The following MAST4 variants were observed in gnomAD, a reference collection of about 807,000 sequenced individuals.
MAST4 encodes microtubule associated serine/threonine kinase family member 4, also known as microtubule-associated serine/threonine-protein kinase 4.
Under a neutral mutation model 162.7 loss-of-function variants are expected in MAST4, and 89 were observed. The ratio of observed to expected loss-of-function variants is 0.55; its 90% CI spans 0.46 to 0.65. MAST4 has a LOEUF of 0.65. Among genes scored for constraint, MAST4 ranks in the 30% least tolerant of loss-of-function variants. The probability of loss-of-function intolerance (pLI) is 0.00; values close to 1 mark genes in which losing one functional copy is unlikely to be tolerated. For synonymous variants in MAST4, 1,479 were observed against 1,361.1 expected (o/e 1.09, Z -1.91); for missense variants, 3,153 against 3,374.0 (o/e 0.93, Z 1.62).
intron 5 of MAST4, among the ~76,000 whole-genome samples, chr5:67,078,862 A>G (rs1195695477): frequency 1.8e-5 from 2 of 113,414 alleles, no homozygotes; most frequent in African/African-American, 7.8e-5. Flanking sequence ...ATATTTATAT[A>G]AATATATATT....
intron 1 of MAST4, among the ~76,000 whole-genome samples, chr5:66,699,253 A>G (rs1296687926): frequency 6.6e-6 from 1 of 152,132 alleles, no homozygotes; most frequent in Non-Finnish European, 1.5e-5. Context: ...TTATAGTCAC[A>G]CCATCTTATC....
intron 4 of MAST4, among the ~76,000 whole-genome samples, chr5:66,914,720 T>G (rs1037745861): frequency 2.6e-5 from 4 of 152,174 alleles, no homozygotes; most frequent in Non-Finnish European, 5.9e-5. Context: ...AACTGATTGC[T>G]TATCTAGGAC....
intron 12 of MAST4, among the ~76,000 whole-genome samples, chr5:67,117,331 A>G (rs571281918): frequency 6.6e-6 from 1 of 152,298 alleles, no homozygotes; most frequent in Admixed American, 6.5e-5. Context: ...TTTCCCCTAT[A>G]GGTAAACTGA....
chr5:66,748,639 G>A (rs1014077815), intron 1 of MAST4, among the ~76,000 whole-genome samples: 4 of 151,304 alleles, frequency 2.6e-5, no homozygotes, highest in East Asian at 3.9e-4. Flanking sequence ...ACAGGCGTGC[G>A]CAACCACACC....
chr5:66,837,802 C>A (rs1283024363), intron 3 of MAST4, among the ~76,000 whole-genome samples: 32 of 145,690 alleles, frequency 2.2e-4, no homozygotes, highest in Non-Finnish European at 4.0e-4. Context: ...GGTTTGACAG[C>A]CTTTAAAATG....
intron 11 of MAST4, among the ~76,000 whole-genome samples, chr5:67,110,646 C>T (rs1766125029): frequency 6.6e-6 from 1 of 152,204 alleles, no homozygotes; most frequent in Non-Finnish European, 1.5e-5. Context: ...AAGATGCTAA[C>T]CATCCCATTT....
chr5:66,838,250 A>G (rs1758168094), intron 3 of MAST4, among the ~76,000 whole-genome samples: 1 of 152,126 alleles, frequency 6.6e-6, no homozygotes, highest in South Asian at 2.1e-4. Flanking sequence ...TGTGATTTGG[A>G]AACCTTTATC....
chr5:66,986,990 TA>T (rs1364299050), intron 4 of MAST4, among the ~76,000 whole-genome samples: 2 of 152,188 alleles, frequency 1.3e-5, no homozygotes, highest in Non-Finnish European at 2.9e-5. Flanking sequence ...TAAAGAAGTG[TA>T]AGATTATATA....
intron 3 of MAST4, among the ~76,000 whole-genome samples, chr5:66,830,677 C>G (rs1292959937): frequency 2.0e-5 from 3 of 152,126 alleles, no homozygotes; most frequent in Admixed American, 6.6e-5. Context: ...TGCTTTTACT[C>G]CCATTGCATC....
intron 1 of MAST4, among the ~76,000 whole-genome samples, chr5:66,737,389 T>G (rs1295339190): frequency 1.3e-5 from 2 of 152,186 alleles, no homozygotes; most frequent in African/African-American, 4.8e-5. Flanking sequence ...CTCTTACAGT[T>G]GAGCCTCAGA....
At chr5:66,672,756 G>A (rs1229442411) in intron 1 of MAST4, among the ~76,000 whole-genome samples, 1 of 152,144 alleles carries the variant, frequency 6.6e-6, no homozygotes, top group African/African-American at 2.4e-5. Context: ...TTCTGTCCTT[G>A]TTGCCTTCTG....
chr5:66,743,032 G>A (rs922286434), intron 1 of MAST4, among the ~76,000 whole-genome samples: 1 of 152,100 alleles, frequency 6.6e-6, no homozygotes. Flanking sequence ...GATGCTTGCC[G>A]GTTTCCTGGC....
intron 5 of MAST4, among the ~76,000 whole-genome samples, chr5:67,066,405 T>C (rs1760234862): frequency 6.6e-6 from 1 of 150,908 alleles, no homozygotes; most frequent in African/African-American, 2.4e-5. Context: ...ATAACATCCT[T>C]ACATAAATTT....
chr5:66,743,660 T>C (rs1752592461), intron 1 of MAST4, among the ~76,000 whole-genome samples: 1 of 151,864 alleles, frequency 6.6e-6, no homozygotes, highest in Admixed American at 6.6e-5. Context: ...GGGAGACTAG[T>C]AATGGAGAGG....
intron 7 of MAST4, among the ~76,000 whole-genome samples, chr5:67,098,968 T>G (rs1264610201): frequency 6.6e-6 from 1 of 152,142 alleles, no homozygotes; most frequent in African/African-American, 2.4e-5. Flanking sequence ...ATCAGTTCAG[T>G]TGGTGCTTTG....
At chr5:66,678,313 T>C (rs1256569571) in intron 1 of MAST4, among the ~76,000 whole-genome samples, 1 of 152,030 alleles carries the variant, frequency 6.6e-6, no homozygotes, top group African/African-American at 2.4e-5. Flanking sequence ...TTAGGAAGGA[T>C]AAGTTCTGAA....
At chr5:67,026,176 C>G (rs368665237) in intron 4 of MAST4, among the ~76,000 whole-genome samples, 8 of 152,170 alleles carry the variant, frequency 5.3e-5, no homozygotes, top group African/African-American at 7.2e-5. Context: ...AGAGAAGTGG[C>G]GAGCAAAATT....
At chr5:66,636,103 G>A (rs897025961) in intron 1 of MAST4, among the ~76,000 whole-genome samples, 50 of 151,936 alleles carry the variant, frequency 3.3e-4, no homozygotes, top group African/African-American at 1.1e-3. Flanking sequence ...GACTAAAGAC[G>A]TATGCCACCA....
At position 66,982,322 on chromosome 5, in the gene MAST4, G is replaced by A. The variant is rs78633621; in HGVS notation, c.675-72082G>A. On this transcript the variant is annotated intron_variant, in intron 4 of 28. Transcript: ENST00000403625. ...TTCCTTACTTAGGGAGACTAAAGTC[G>A]ATTCTAATAACAATTTGGTAAAGTG... Among the ~76,000 whole-genome samples the A allele has an allele frequency of 3.5e-4, 54 of 152,244 alleles. 1 individual carries two copies. The East Asian group carries it at 8.9e-3, about 25-fold the overall frequency.
Sources: gnomAD v4.1 joint callset for allele counts (sites outside exome capture counted in the v4.1 genomes callset) on GRCh38, gnomAD v4.1.1 for gene constraint, MANE v1.5 for transcripts, NCBI Gene and HGNC (gene_info 2026-07-23, HGNC 2026-07-21) for gene names.